The following RP1 variants were observed in gnomAD, a reference collection of about 807,000 sequenced individuals.
RP1 encodes RP1 axonemal microtubule associated.
A neutral mutation model predicts 14.8 loss-of-function variants in RP1; 16 were observed. That is an observed-to-expected ratio of 1.08 (90% CI 0.73 to 1.65). RP1 has a LOEUF of 1.65. Among genes scored for constraint, RP1 ranks in the 40% most tolerant of loss-of-function variants. The pLI is 0.00. For missense variants in RP1, 2,631 were observed against 2,535.0 expected, an observed-to-expected ratio of 1.04 and a Z score of -0.81; for synonymous variants, 876 against 883.6, an observed-to-expected ratio of 0.99 and a Z score of 0.15.
At position 54,706,735 on chromosome 8, in the gene RP1, T is replaced by C. The variant is rs1210033776; in HGVS notation, c.2211+80T>C. On this transcript the variant is annotated intron_variant, in intron 15 of 22. Transcript: ENST00000636932. ...AGACATGAGAATAGCACTTTCTGAG[T>C]GGGTTTTGGAAATTGAATGTTACAT... 3 of 1,418,980 alleles carry C rather than the reference T, an allele frequency of 2.1e-6. No homozygotes were observed. In the East Asian group the frequency reaches 7.5e-5, roughly 35 times the overall value. 87.9% of individuals were successfully genotyped at this position (1,418,980 alleles called of 1,614,324 possible).
chr8:54,630,319 A>C lies in RP1; in HGVS notation c.6437A>C (p.Asp2146Ala). 6.2e-7 allele frequency: 1 copy of C among 1,613,754 alleles called. No individual in the cohort carries two copies. Among genetic ancestry groups the C allele is most frequent in the Non-Finnish European group, 8.5e-7 (1 of 1,179,790 alleles). Residue 2146 changes from aspartate (D) to alanine (A), a missense_variant, in exon 4 of 4, where the codon GAT (aspartate) becomes GCT (alanine). Physicochemically the swap from Asp to Ala is moderately radical, Grantham distance 126. Coordinates refer to ENST00000220676, the MANE Select transcript of RP1 (RefSeq NM_006269.2). ...GAGGAAGACATATTAAATTTAACTGATCTTGAAAGCAGTAGAGAACAAGAA... is the reference window on the plus strand; with the variant it reads ...GAGGAAGACATATTAAATTTAACTGCTCTTGAAAGCAGTAGAGAACAAGAA... ...WEEEDILNLT[D>A]LESSREQEDL is the part of the protein sequence containing the mutation.
At chr8:54,589,397 T>C (rs1804996318) in intron 1 of RP1, among the ~76,000 whole-genome samples, 4 of 152,138 alleles carry the variant, frequency 2.6e-5, no homozygotes, top group African/African-American at 9.7e-5. Context: ...ACTCTCAGAC[T>C]CTTGGAATAT....
intron 12 of RP1, among the ~76,000 whole-genome samples, chr8:54,690,246 A>C (rs1807678755): frequency 6.6e-6 from 1 of 152,034 alleles, no homozygotes; most frequent in Non-Finnish European, 1.5e-5. Context: ...ACATAATTTT[A>C]GGCCCTATTT....
chr8:54,689,641 T>G (rs954851960), intron 12 of RP1, among the ~76,000 whole-genome samples: 2 of 152,166 alleles, frequency 1.3e-5, no homozygotes, highest in East Asian at 1.9e-4. Flanking sequence ...AAAGTAGAAA[T>G]AATAACAAAT....
At chr8:54,740,939 G>T (rs1281659448) in intron 19 of RP1, among the ~76,000 whole-genome samples, 1 of 151,834 alleles carries the variant, frequency 6.6e-6, no homozygotes, top group Non-Finnish European at 1.5e-5. Context: ...GGGAGGCTGA[G>T]GCAGGAGAAT....
chr8:54,620,189 A>T (rs1482466907), intron 1 of RP1, among the ~76,000 whole-genome samples: 1 of 152,194 alleles, frequency 6.6e-6, no homozygotes, highest in Non-Finnish European at 1.5e-5. Context: ...ACTTTTCCCC[A>T]ATTCATATAA....
At chr8:54,729,152 C>T (rs1808731561) in intron 17 of RP1, among the ~76,000 whole-genome samples, 1 of 152,090 alleles carries the variant, frequency 6.6e-6, no homozygotes, top group Non-Finnish European at 1.5e-5. Context: ...ACTGAAATTG[C>T]CCTTAGATAT....
intron 7 of RP1, among the ~76,000 whole-genome samples, chr8:54,672,820 C>T (rs2129332935): frequency 6.6e-6 from 1 of 152,250 alleles, no homozygotes; most frequent in East Asian, 1.9e-4. Flanking sequence ...CCAACTAGTT[C>T]TTAACGAGTA....
rs1414236595 is a variant in RP1 at position 54,630,751 on chromosome 8, C to G, written c.*398C>G. On this transcript the variant is annotated 3_prime_UTR_variant, in exon 4 of 4. Coordinates refer to ENST00000220676, the MANE Select transcript of RP1 (RefSeq NM_006269.2). Reference sequence around the variant, plus strand: ...TGAATAAATTGAATAGACATAACCTCAAAGTACTTCACTTATTCTTTTTAA... The same window carrying G: ...TGAATAAATTGAATAGACATAACCTGAAAGTACTTCACTTATTCTTTTTAA... 1 of 1,014,206 alleles carries G rather than the reference C, an allele frequency of 9.9e-7. No homozygotes were observed. The highest frequency in any genetic ancestry group is 1.2e-6 in the Non-Finnish European group (1 of 847,198). 62.8% of individuals were successfully genotyped at this position (1,014,206 alleles called of 1,614,324 possible).
intron 1 of RP1, among the ~76,000 whole-genome samples, chr8:54,563,480 C>T (rs1020827780): frequency 3.3e-5 from 5 of 152,012 alleles, no homozygotes; most frequent in Admixed American, 1.3e-4. Context: ...TTTAAGAGTC[C>T]AGCACATTTT....
intron 16 of RP1, among the ~76,000 whole-genome samples, chr8:54,726,183 C>A (rs796706238): frequency 1.6e-4 from 24 of 152,128 alleles, no homozygotes; most frequent in African/African-American, 5.8e-4. Flanking sequence ...AATAAGAAGT[C>A]ATTTTCTGTT....
intron 25 of RP1, among the ~76,000 whole-genome samples, chr8:54,849,014 C>G (rs2005562): frequency 0.35 from 53,570 of 151,968 alleles, 9,564 homozygotes; most frequent in Non-Finnish European, 0.38. Context: ...CTCCCAAAGT[C>G]CCGGGATTAC....
chr8:54,584,201 T>G (rs1412306904), intron 1 of RP1, among the ~76,000 whole-genome samples: 1 of 152,222 alleles, frequency 6.6e-6, no homozygotes, highest in African/African-American at 2.4e-5. Context: ...GTATGTTGTG[T>G]CTTTGTTCTC....
chr8:54,739,091 T>C, intron 19 of RP1: 1 of 1,214,668 alleles, frequency 8.2e-7, no homozygotes, highest in Non-Finnish European at 1.1e-6. Flanking sequence ...GCAAGCTGGC[T>C]ATGTAAAGCA....
chr8:54,575,802 A>G (rs938681910), intron 1 of RP1, among the ~76,000 whole-genome samples: 1 of 151,822 alleles, frequency 6.6e-6, no homozygotes, highest in Non-Finnish European at 1.5e-5. Flanking sequence ...TCTATCCTCA[A>G]GTGGGGCCCC....
chr8:54,591,926 G>A lies in RP1; in HGVS notation c.-12-29029G>A, dbSNP rs1313710336. Among the ~76,000 whole-genome samples the A allele has an allele frequency of 3.3e-5, 5 of 152,260 alleles. No homozygotes were observed. The East Asian group carries it at 9.7e-4, about 29-fold the overall frequency. ...ACAGAAATGTACCAGTTCTCTTGAG[G>A]TTTCGTTTTGGCACTAGCACAATGT... On this transcript the variant is annotated intron_variant, in intron 1 of 22. Transcript: ENST00000636932.
intron 3 of RP1, 131 bp downstream of exon 3, chr8:54,622,419 A>T: frequency 1.3e-6 from 1 of 760,184 alleles, no homozygotes; most frequent in Non-Finnish European, 2.2e-6. Flanking sequence ...ATTTAAAAAC[A>T]TTCTAAACTG....
chr8:54,641,094 G>A (rs890535109), intron 3 of RP1, among the ~76,000 whole-genome samples: 4 of 150,654 alleles, frequency 2.7e-5, no homozygotes, highest in Middle Eastern at 3.4e-3. Context: ...ACAGGCACCC[G>A]CCACCACGCC....
intron 24 of RP1, among the ~76,000 whole-genome samples, chr8:54,787,338 C>T (rs534965009): frequency 1.3e-5 from 2 of 152,124 alleles, no homozygotes; most frequent in East Asian, 3.9e-4. Context: ...ACTTGCTAAC[C>T]CTTGAATCTG....
Sources: gnomAD v4.1 joint callset for allele counts (sites outside exome capture counted in the v4.1 genomes callset) on GRCh38, gnomAD v4.1.1 for gene constraint, MANE v1.5 for transcripts, NCBI Gene and HGNC (gene_info 2026-07-23, HGNC 2026-07-21) for gene names.